The following ANK3 variants were observed in gnomAD, a reference collection of about 807,000 sequenced individuals.
ANK3 encodes the protein ankyrin-3.
ANK3 carries 57 observed loss-of-function variants against 370.9 expected under a neutral mutation model. That is an observed-to-expected ratio of 0.15 (90% CI 0.12 to 0.19). The LOEUF is 0.19. Among genes scored for constraint, ANK3 ranks in the 10% least tolerant of loss-of-function variants. ANK3 has a pLI of 1.00. For synonymous variants in ANK3, 1,929 were observed against 1,946.3 expected (o/e 0.99, Z 0.23); for missense variants, 4,439 against 5,302.1 (o/e 0.84, Z 5.06).
At chr10:60,586,932 C>T (rs2077840669) in intron 2 of ANK3, among the ~76,000 whole-genome samples, 1 of 152,182 alleles carries the variant, frequency 6.6e-6, no homozygotes, top group Non-Finnish European at 1.5e-5. Context: ...GCATGGAAGA[C>T]TGTCTGCCAA....
At chr10:60,051,094 G>A (rs1465577782) in intron 42 of ANK3, among the ~76,000 whole-genome samples, 2 of 151,890 alleles carry the variant, frequency 1.3e-5, no homozygotes, top group Non-Finnish European at 2.9e-5. Flanking sequence ...CTTCTTTATC[G>A]TGCCTCATAC....
chr10:60,145,586 C>G (rs2094776421), intron 23 of ANK3, among the ~76,000 whole-genome samples: 1 of 152,076 alleles, frequency 6.6e-6, no homozygotes, highest in Non-Finnish European at 1.5e-5. Context: ...TTCTCATAAT[C>G]TTATAAAACA....
intron 1 of ANK3, among the ~76,000 whole-genome samples, chr10:60,342,235 T>C (rs1435260634): frequency 6.6e-6 from 1 of 152,094 alleles, no homozygotes; most frequent in Non-Finnish European, 1.5e-5. Flanking sequence ...TCCAAAAAAG[T>C]CCTTTCCAAA....
intron 23 of ANK3, chr10:60,140,941 T>C: frequency 1.0e-6 from 1 of 985,564 alleles, no homozygotes; most frequent in East Asian, 1.1e-4. Context: ...GGAAAAACAT[T>C]AGAAGAAAAC....
chr10:60,509,322 A>T (rs1028955687), intron 2 of ANK3, among the ~76,000 whole-genome samples: 1 of 152,182 alleles, frequency 6.6e-6, no homozygotes, highest in Non-Finnish European at 1.5e-5. Flanking sequence ...TATTGTGTCA[A>T]ATACCAAAGC....
chr10:60,715,433 G>T (rs779455550), intron 1 of ANK3, among the ~76,000 whole-genome samples: 133 of 152,082 alleles, frequency 8.7e-4, no homozygotes, highest in Admixed American at 1.7e-3. Context: ...TCTGGTGGTG[G>T]GATAAACATA....
intron 2 of ANK3, among the ~76,000 whole-genome samples, chr10:60,527,519 A>G (rs1380541304): frequency 6.6e-6 from 1 of 152,162 alleles, no homozygotes; most frequent in African/African-American, 2.4e-5. Flanking sequence ...CCTAAGGCTA[A>G]GAACCTTAAG....
intron 7 of ANK3, among the ~76,000 whole-genome samples, chr10:60,245,155 C>T (rs1170057489): frequency 2.0e-5 from 3 of 151,266 alleles, no homozygotes; most frequent in Non-Finnish European, 4.4e-5. Context: ...GGCGACAGAG[C>T]GAGACTCCGT....
intron 1 of ANK3, among the ~76,000 whole-genome samples, chr10:60,650,197 G>A (rs2078767749): frequency 2.0e-5 from 3 of 152,234 alleles, no homozygotes; most frequent in East Asian, 1.9e-4. Context: ...ACAAACAGTG[G>A]CAAGGGGCCA....
chr10:60,536,727 G>A (rs187386775), intron 2 of ANK3, among the ~76,000 whole-genome samples: 1 of 152,058 alleles, frequency 6.6e-6, no homozygotes, highest in East Asian at 1.9e-4. Context: ...ACTGTGGTTC[G>A]ATGGGTGACA....
At chr10:60,607,590 C>T (rs535389768) in intron 2 of ANK3, among the ~76,000 whole-genome samples, 18 of 152,240 alleles carry the variant, frequency 1.2e-4, no homozygotes, top group Non-Finnish European at 2.2e-4. Context: ...CATAGTGCTC[C>T]GGAATCCTGA....
chr10:60,644,290 AAATATAC>A (rs1160055970), intron 1 of ANK3, among the ~76,000 whole-genome samples: 1 of 152,178 alleles, frequency 6.6e-6, no homozygotes, highest in East Asian at 1.9e-4. Context: ...CCAAACCAAT[AAATATAC>A]AAGGTAGATT....
intron 2 of ANK3, among the ~76,000 whole-genome samples, chr10:60,593,068 C>A (rs1415323405): frequency 6.6e-6 from 1 of 152,180 alleles, no homozygotes; most frequent in Non-Finnish European, 1.5e-5. Flanking sequence ...GCATGAATGA[C>A]CCCTAATGTC....
intron 1 of ANK3, among the ~76,000 whole-genome samples, chr10:60,657,039 A>C (rs1440256829): frequency 6.6e-6 from 1 of 152,180 alleles, no homozygotes. Flanking sequence ...GGTTTAATGG[A>C]CTTACAGTTC....
intron 28 of ANK3, among the ~76,000 whole-genome samples, chr10:60,103,648 C>T (rs2091693484): frequency 6.6e-6 from 1 of 152,160 alleles, no homozygotes; most frequent in African/African-American, 2.4e-5. Flanking sequence ...TGCTTCATTA[C>T]TATTAAGTTT....
chr10:60,186,450 G>A (rs762801131), intron 17 of ANK3, among the ~76,000 whole-genome samples: 8 of 151,208 alleles, frequency 5.3e-5, no homozygotes, highest in Non-Finnish European at 8.8e-5. Flanking sequence ...TTCTGGGCTC[G>A]AGCAGTCTAC....
At chr10:60,505,323 TA>T (rs1157405974) in intron 2 of ANK3, among the ~76,000 whole-genome samples, 1 of 152,020 alleles carries the variant, frequency 6.6e-6, no homozygotes, top group Non-Finnish European at 1.5e-5. Context: ...GATATATATA[TA>T]AATTATATTT....
chr10:60,507,227 G>A (rs2075963652), intron 2 of ANK3, among the ~76,000 whole-genome samples: 1 of 151,966 alleles, frequency 6.6e-6, no homozygotes, highest in Admixed American at 6.6e-5. Flanking sequence ...TGGTGCTTTG[G>A]TGGGGGGTAT....
At chr10:60,464,092 T>C (rs2064955363) in intron 2 of ANK3, among the ~76,000 whole-genome samples, 1 of 152,156 alleles carries the variant, frequency 6.6e-6, no homozygotes, top group Non-Finnish European at 1.5e-5. Context: ...TATAGGTATA[T>C]ACAGTAAAGA....
Sources: gnomAD v4.1 joint callset for allele counts (sites outside exome capture counted in the v4.1 genomes callset) on GRCh38, gnomAD v4.1.1 for gene constraint, MANE v1.5 for transcripts, NCBI Gene and HGNC (gene_info 2026-07-23, HGNC 2026-07-21) for gene names.